Variants in MAP3K15 observed in about 807,000 individuals in gnomAD.
MAP3K15 encodes the protein MAPK/ERK kinase kinase 15.
A neutral mutation model predicts 99.5 loss-of-function variants in MAP3K15; 124 were observed. The observed-to-expected ratio is 1.25, with a 90% CI of 1.08 to 1.45. The LOEUF (loss-of-function observed/expected upper bound fraction) is 1.45, where lower values mean the gene tolerates loss of function less well. Ranked by LOEUF, MAP3K15 falls within the 40% of genes most tolerant of loss-of-function variation. MAP3K15 has a pLI of 0.00. For missense variants in MAP3K15, 1,242 were observed against 1,079.7 expected (o/e 1.15, Z -2.11); for synonymous variants, 494 against 439.6 (o/e 1.12, Z -1.55).
At chrX:19,444,343 C>A (rs187808856) in intron 6 of MAP3K15, among the ~76,000 whole-genome samples, 2 of 111,387 alleles carry the variant, frequency 1.8e-5, no homozygotes, top group South Asian at 7.6e-4. Flanking sequence ...GAGCCAAGAT[C>A]GCCATCTGTT....
rs1222088082 is a variant in MAP3K15, at chrX:19,429,564, G to A, written c.1166+1874C>T. 2.7e-5 allele frequency among the ~76,000 whole-genome samples: 3 copies of A among 110,070 alleles called. No individual in the cohort carries two copies. In the Admixed American group the frequency reaches 3.0e-4, roughly 11 times the overall value. On this transcript the variant is annotated intron_variant, in intron 7 of 28. Transcript: ENST00000338883. ...AAATGACTTCAGCCTTCAAAATGTT[G>A]AGTCTGAAATATCAACATCATCTTG...
rs746806747 is a variant in MAP3K15, at chrX:19,431,491, G to A, written c.1113C>T (p.Ile371=). The A allele has an allele frequency of 8.3e-7, 1 of 1,200,467 alleles. No individual in the cohort carries two copies. Among genetic ancestry groups the A allele is most frequent in the Non-Finnish European group, 1.1e-6 (1 of 895,168 alleles). ...FCLCGRIYKD[I]FLDSDCKDDT... is the part of the protein sequence containing the mutation. ...CATCTTTGCAGTCTGAATCCAAGAA[G>A]ATGTCCTTGTAGATCCTCCCACACA... Residue 371 remains isoleucine (I), a synonymous_variant, in exon 7 of 29, where the codon ATC becomes ATT. Coordinates refer to ENST00000338883, the MANE Select transcript of MAP3K15 (RefSeq NM_001001671.4).
At chrX:19,367,316 G>C (rs1197446102) in intron 25 of MAP3K15, among the ~76,000 whole-genome samples, 1 of 110,892 alleles carries the variant, frequency 9.0e-6, no homozygotes, top group Non-Finnish European at 1.9e-5. Context: ...ACACACTGGG[G>C]CCTACCAGAG....
intron 6 of MAP3K15, among the ~76,000 whole-genome samples, chrX:19,455,260 C>T (rs1186227689): frequency 2.7e-5 from 3 of 110,804 alleles, no homozygotes; most frequent in African/African-American, 6.6e-5. Context: ...TGCTTCCAAA[C>T]GGGAAACGTA....
chrX:19,490,620 G>A (rs968464701), intron 1 of MAP3K15, among the ~76,000 whole-genome samples: 2 of 109,856 alleles, frequency 1.8e-5, no homozygotes, highest in East Asian at 5.7e-4. Flanking sequence ...GTGGTGGTGC[G>A]TGCCTGTAGT....
intron 9 of MAP3K15, among the ~76,000 whole-genome samples, chrX:19,420,946 A>G (rs1359023235): frequency 9.0e-6 from 1 of 111,623 alleles, no homozygotes; most frequent in Non-Finnish European, 1.9e-5. Context: ...TGATTATCTC[A>G]ATAGATGCAG....
rs1469607628 is a variant in MAP3K15, at chrX:19,373,537, T to G, written c.2932A>C (p.Ser978Arg). Residue 978 changes from serine to arginine, a missense_variant and splice_region_variant, in exon 21 of 29, where the codon AGT becomes CGT. Physicochemically the swap from Ser to Arg is moderately radical, Grantham distance 110. Transcript: ENST00000338883. ...APRHHLGHLL[S>R]VPDESSALED... ...CAGACAGACAGAATACGGGTGTACC[T>G]GAGGAGGTGGCCAAGGTGGTGCCTG... 3.1e-5 allele frequency: 36 copies of G among 1,167,193 alleles called. No individual in the cohort carries two copies. Among genetic ancestry groups the G allele is most frequent in the Non-Finnish European group, 4.1e-5 (36 of 873,355 alleles).
At chrX:19,474,319 A>T (rs1602337320) in intron 3 of MAP3K15, among the ~76,000 whole-genome samples, 1 of 111,459 alleles carries the variant, frequency 9.0e-6, no homozygotes, top group East Asian at 2.8e-4. Flanking sequence ...CCAAGGATTG[A>T]ATTCCAGCTC....
chrX:19,512,896 G>C (rs2064530962), intron 1 of MAP3K15, among the ~76,000 whole-genome samples: 1 of 111,429 alleles, frequency 9.0e-6, no homozygotes, highest in South Asian at 3.8e-4. Flanking sequence ...TTTTTACAAA[G>C]AAGCCAAAGT....
rs762732350 is a variant in MAP3K15 at position 19,461,609 on chromosome X, T to C, written c.720-1456A>G. Among the ~76,000 whole-genome samples, 340 of 112,177 alleles carry C rather than the reference T, an allele frequency of 3.0e-3. 2 individuals carry two copies. The highest frequency in any genetic ancestry group is 9.7e-3 in the African/African-American group (299 of 30,912). ...TAAGTTGAGTTACAACAACCATAGA[T>C]TGATTTAAAATATCTTGTCTATTTT... On this transcript the variant is annotated intron_variant, in intron 4 of 28. Coordinates refer to ENST00000338883, the MANE Select transcript of MAP3K15 (RefSeq NM_001001671.4).
intron 9 of MAP3K15, among the ~76,000 whole-genome samples, chrX:19,419,138 C>T (rs1364582035): frequency 7.1e-5 from 8 of 112,000 alleles, no homozygotes; most frequent in African/African-American, 2.6e-4. Flanking sequence ...AACTAATGAG[C>T]AAAATAACCA....
chrX:19,499,118 C>T (rs1370029190), intron 1 of MAP3K15, among the ~76,000 whole-genome samples: 1 of 111,627 alleles, frequency 9.0e-6, no homozygotes, highest in Non-Finnish European at 1.9e-5. Context: ...GGGTCAATGG[C>T]TAGAATGGAC....
At chrX:19,403,457 ATTC>A (rs1373852129) in intron 13 of MAP3K15, among the ~76,000 whole-genome samples, 2 of 93,431 alleles carry the variant, frequency 2.1e-5, no homozygotes, top group Non-Finnish European at 4.1e-5. Flanking sequence ...TATTTATTCT[ATTC>A]TTTTTTTTTT....
At chrX:19,511,513 AACAG>A (rs766781967) in intron 1 of MAP3K15, among the ~76,000 whole-genome samples, 56 of 112,374 alleles carry the variant, frequency 5.0e-4, no homozygotes, top group South Asian at 1.1e-3. Flanking sequence ...AAAGGATATG[AACAG>A]ACACTTTTCA....
At chrX:19,371,959 C>A (rs2063378296) in intron 22 of MAP3K15, among the ~76,000 whole-genome samples, 1 of 109,776 alleles carries the variant, frequency 9.1e-6, no homozygotes, top group African/African-American at 3.3e-5. Flanking sequence ...AAGGCGAAAC[C>A]CCATCTCTAC....
At chrX:19,470,095 T>C (rs1038454727) in intron 3 of MAP3K15, among the ~76,000 whole-genome samples, 6 of 111,848 alleles carry the variant, frequency 5.4e-5, no homozygotes, top group Non-Finnish European at 9.4e-5. Flanking sequence ...TAAAGACACA[T>C]GCACATGTAT....
chrX:19,420,925 G>C (rs146319915), intron 9 of MAP3K15, among the ~76,000 whole-genome samples: 15,220 of 110,452 alleles, frequency 0.14, 1,897 homozygotes, highest in African/African-American at 0.39. Context: ...GAACCAAAGA[G>C]AAAAACCACA....
At chrX:19,406,538 A>T (rs1347111140) in intron 13 of MAP3K15, among the ~76,000 whole-genome samples, 1 of 112,319 alleles carries the variant, frequency 8.9e-6, no homozygotes, top group Non-Finnish European at 1.9e-5. Flanking sequence ...AGAGACACAA[A>T]GATTAATGGT....
chrX:19,487,920 T>G (rs1277286295), intron 2 of MAP3K15, among the ~76,000 whole-genome samples: 3 of 110,980 alleles, frequency 2.7e-5, no homozygotes, highest in Non-Finnish European at 5.6e-5. Context: ...CACCCATGGT[T>G]GCACATTTGG....
Sources: gnomAD v4.1 joint callset for allele counts (sites outside exome capture counted in the v4.1 genomes callset) on GRCh38, gnomAD v4.1.1 for gene constraint, MANE v1.5 for transcripts, NCBI Gene and HGNC (gene_info 2026-07-23, HGNC 2026-07-21) for gene names.